RANBP17: variants seen among roughly 807,000 people sequenced by gnomAD.
The protein encoded by RANBP17 is RAN binding protein 17, also known as ran-binding protein 17.
In RANBP17, 158 loss-of-function variants were observed where a neutral mutation model predicts 141.2. The ratio of observed to expected loss-of-function variants is 1.12; its 90% CI spans 0.98 to 1.28. The LOEUF (loss-of-function observed/expected upper bound fraction) is 1.28, where lower values mean the gene tolerates loss of function less well. Among genes scored for constraint, RANBP17 ranks in the 50% most tolerant of loss-of-function variants. The pLI is 0.00. For synonymous variants in RANBP17, 430 were observed against 450.0 expected (o/e 0.96, Z 0.56); for missense variants, 1,438 against 1,290.7 (o/e 1.11, Z -1.75).
chr5:170,916,067 G>A (rs572398493), intron 8 of RANBP17, among the ~76,000 whole-genome samples: 1 of 150,736 alleles, frequency 6.6e-6, no homozygotes, highest in Non-Finnish European at 1.5e-5. Flanking sequence ...TTTTTATATT[G>A]CATTATAATG....
chr5:170,928,648 A>G (rs541337593), intron 12 of RANBP17, among the ~76,000 whole-genome samples: 1 of 152,086 alleles, frequency 6.6e-6, no homozygotes, highest in Non-Finnish European at 1.5e-5. Flanking sequence ...GCTAGAGTCT[A>G]TTAGTGGACT....
intron 18 of RANBP17, among the ~76,000 whole-genome samples, chr5:171,196,179 G>A (rs779752999): frequency 5.3e-4 from 81 of 152,318 alleles, no homozygotes; most frequent in Non-Finnish European, 6.8e-4. Flanking sequence ...GTGATGTGGC[G>A]GGAGGGGAAC....
chr5:171,153,340 T>C (rs924077976), intron 14 of RANBP17, among the ~76,000 whole-genome samples: 3 of 152,240 alleles, frequency 2.0e-5, no homozygotes, highest in African/African-American at 7.2e-5. Context: ...TCTGTAAGAA[T>C]GTTATTTTTG....
At chr5:171,150,471 C>T (rs574727528) in intron 14 of RANBP17, among the ~76,000 whole-genome samples, 2 of 151,444 alleles carry the variant, frequency 1.3e-5, no homozygotes, top group African/African-American at 4.8e-5. Flanking sequence ...ATGAAAGGTA[C>T]TAATTTTTTA....
At chr5:170,999,795 G>C (rs1165598454) in intron 14 of RANBP17, among the ~76,000 whole-genome samples, 9 of 152,092 alleles carry the variant, frequency 5.9e-5, no homozygotes, top group African/African-American at 1.9e-4. Flanking sequence ...ATGCAGTTCA[G>C]TGATATTAAA....
intron 16 of RANBP17, among the ~76,000 whole-genome samples, chr5:171,173,114 A>G (rs1344619437): frequency 6.6e-6 from 1 of 152,034 alleles, no homozygotes; most frequent in Admixed American, 6.6e-5. Flanking sequence ...TGAATTATAA[A>G]TCATTATGTC....
chr5:170,995,968 G>T (rs1231059282), intron 14 of RANBP17, among the ~76,000 whole-genome samples: 1 of 152,014 alleles, frequency 6.6e-6, no homozygotes, highest in Non-Finnish European at 1.5e-5. Flanking sequence ...TCAGGCTGCA[G>T]TGTGCTATGA....
chr5:171,294,284 G>A (rs1346471531), intron 26 of RANBP17, among the ~76,000 whole-genome samples: 1 of 152,096 alleles, frequency 6.6e-6, no homozygotes, highest in Non-Finnish European at 1.5e-5. Context: ...CTGATTCCAG[G>A]AGAATTCTGA....
intron 14 of RANBP17, among the ~76,000 whole-genome samples, chr5:171,155,418 CAAT>C (rs1168855027): frequency 4.0e-5 from 6 of 151,752 alleles, no homozygotes; most frequent in South Asian, 2.1e-4. Context: ...TGGGAAAAGG[CAAT>C]GATGATTTCA....
At chr5:170,985,951 T>A (rs922626123) in intron 14 of RANBP17, among the ~76,000 whole-genome samples, 2 of 152,076 alleles carry the variant, frequency 1.3e-5, no homozygotes, top group African/African-American at 4.8e-5. Flanking sequence ...TTCCTAAAAA[T>A]TTCCAAATTG....
chr5:171,069,612 G>T (rs757458405), intron 14 of RANBP17, among the ~76,000 whole-genome samples: 7 of 152,122 alleles, frequency 4.6e-5, no homozygotes, highest in Admixed American at 1.3e-4. Context: ...TTTCAGTACA[G>T]TGTTCAATAA....
intron 20 of RANBP17, chr5:171,207,411 T>C (rs1762640281): frequency 6.6e-6 from 1 of 152,256 alleles, no homozygotes; most frequent in African/African-American, 2.4e-5. Context: ...TGTATTGTTT[T>C]CCATTTCCTT....
At chr5:171,111,765 A>G (rs1027632706) in intron 14 of RANBP17, among the ~76,000 whole-genome samples, 1 of 152,178 alleles carries the variant, frequency 6.6e-6, no homozygotes, top group African/African-American at 2.4e-5. Flanking sequence ...TGCATTAGGT[A>G]TTCCTCCAAA....
chr5:170,948,636 A>C (rs1201213305), intron 12 of RANBP17, among the ~76,000 whole-genome samples: 2 of 152,222 alleles, frequency 1.3e-5, no homozygotes, highest in Non-Finnish European at 2.9e-5. Context: ...AGTACTCTTC[A>C]GATTGATCTC....
chr5:171,062,621 T>C (rs1338188156), intron 14 of RANBP17, among the ~76,000 whole-genome samples: 6 of 152,200 alleles, frequency 3.9e-5, no homozygotes, highest in Admixed American at 3.9e-4. Context: ...CTTTGGTGAA[T>C]CTGACAATTA....
At chr5:171,254,244 C>T (rs1482376978) in intron 24 of RANBP17, among the ~76,000 whole-genome samples, 10 of 90,882 alleles carry the variant, frequency 1.1e-4, no homozygotes, top group African/African-American at 3.5e-4. Flanking sequence ...GAGACTCTGT[C>T]TCAAAAAAAA....
chr5:171,017,126 G>A (rs887438072), intron 14 of RANBP17, among the ~76,000 whole-genome samples: 15 of 152,064 alleles, frequency 9.9e-5, no homozygotes, highest in African/African-American at 3.4e-4. Context: ...TGGTATATAT[G>A]TACCACATTT....
intron 22 of RANBP17, among the ~76,000 whole-genome samples, chr5:171,224,755 G>T (rs1305063524): frequency 3.9e-5 from 6 of 152,206 alleles, no homozygotes; most frequent in Non-Finnish European, 5.9e-5. Flanking sequence ...TTACACGGAA[G>T]AAAGATGAGA....
intron 18 of RANBP17, among the ~76,000 whole-genome samples, chr5:171,198,543 A>G (rs912050864): frequency 1.3e-5 from 2 of 152,240 alleles, no homozygotes; most frequent in Non-Finnish European, 2.9e-5. Flanking sequence ...GAACATTCAC[A>G]GGCATCTGAA....
Sources: gnomAD v4.1 joint callset for allele counts (sites outside exome capture counted in the v4.1 genomes callset) on GRCh38, gnomAD v4.1.1 for gene constraint, MANE v1.5 for transcripts, NCBI Gene and HGNC (gene_info 2026-07-23, HGNC 2026-07-21) for gene names.